The following ZFAND3 variants were observed in gnomAD, a reference collection of about 807,000 sequenced individuals.
ZFAND3 encodes AN1-type zinc finger protein 3.
Under a neutral mutation model 29.6 loss-of-function variants are expected in ZFAND3, and 10 were observed. That is an observed-to-expected ratio of 0.34 (90% CI 0.21 to 0.57). The LOEUF is 0.57. ZFAND3 is among the 20% of genes least tolerant of loss of function. The pLI is 0.86. For missense variants in ZFAND3, 230 were observed against 304.5 expected, an observed-to-expected ratio of 0.76 and a Z score of 1.82; for synonymous variants, 128 against 112.6, an observed-to-expected ratio of 1.14 and a Z score of -0.87.
intron 2 of ZFAND3, among the ~76,000 whole-genome samples, chr6:37,954,424 C>G (rs1762050618): frequency 6.6e-6 from 1 of 152,136 alleles, no homozygotes; most frequent in Non-Finnish European, 1.5e-5. Context: ...TTCATGTTCA[C>G]TAATCATCTG....
chr6:38,068,633 C>G (rs1419846622), intron 3 of ZFAND3, among the ~76,000 whole-genome samples: 1 of 152,132 alleles, frequency 6.6e-6, no homozygotes, highest in Non-Finnish European at 1.5e-5. Flanking sequence ...AACTCTGGGC[C>G]TTTTGCATCT....
At position 37,922,268 on chromosome 6, in the gene ZFAND3, T is replaced by G. The variant is rs148789420; in HGVS notation, c.72-7691T>G. Among the ~76,000 whole-genome samples, 958 of 152,112 alleles carry G rather than the reference T, an allele frequency of 6.3e-3. 9 individuals are homozygous for G. Among genetic ancestry groups the G allele is most frequent in the Non-Finnish European group, 0.01 (704 of 67,996 alleles). On this transcript the variant is annotated intron_variant, in intron 1 of 5. Transcript: ENST00000287218. ...ATGATTAAAGATTTAAGTCCAAAAA[T>G]GCTCATTATAGCAATATTTATAATA...
intron 1 of ZFAND3, among the ~76,000 whole-genome samples, chr6:37,879,339 G>GT (rs375096327): frequency 0.082 from 12,101 of 147,684 alleles, 561 homozygotes; most frequent in Non-Finnish European, 0.1. Flanking sequence ...TTTTTGTTTT[G>GT]TTTTTTTTTT....
intron 5 of ZFAND3, among the ~76,000 whole-genome samples, chr6:38,120,320 C>CT (rs70981523): frequency 0.24 from 14,194 of 60,350 alleles, 4,643 homozygotes; most frequent in Non-Finnish European, 0.34. Context: ...GCTTGGCTTC[C>CT]TTTTTTTTTT....
intron 1 of ZFAND3, among the ~76,000 whole-genome samples, chr6:37,898,149 T>C (rs779979962): frequency 5.3e-5 from 8 of 152,250 alleles, no homozygotes; most frequent in Non-Finnish European, 7.3e-5. Context: ...TTCATTCTTC[T>C]AGTTTTATTG....
At chr6:37,916,239 T>G (rs1276516892) in intron 1 of ZFAND3, among the ~76,000 whole-genome samples, 1 of 152,176 alleles carries the variant, frequency 6.6e-6, no homozygotes, top group Non-Finnish European at 1.5e-5. Context: ...CTTATCAAAA[T>G]GTGAAACAGA....
intron 2 of ZFAND3, among the ~76,000 whole-genome samples, chr6:37,952,743 C>T (rs1762019688): frequency 6.6e-6 from 1 of 152,026 alleles, no homozygotes; most frequent in African/African-American, 2.4e-5. Flanking sequence ...ACCCCTTCCC[C>T]AGGAACGACT....
intron 2 of ZFAND3, among the ~76,000 whole-genome samples, chr6:38,027,091 C>G (rs1446177568): frequency 6.6e-6 from 1 of 152,208 alleles, no homozygotes; most frequent in Admixed American, 6.5e-5. Flanking sequence ...TCTAAGGACA[C>G]AGGTTCTAGT....
chr6:38,142,439 C>T (rs931802823), intron 5 of ZFAND3: 3 of 450,136 alleles, frequency 6.7e-6, no homozygotes, highest in Non-Finnish European at 4.6e-6. Context: ...CTGAGTTACC[C>T]CCATGGGCCC....
chr6:38,081,521 A>G (rs1258092389), intron 3 of ZFAND3, among the ~76,000 whole-genome samples: 12 of 152,142 alleles, frequency 7.9e-5, no homozygotes, highest in Non-Finnish European at 1.5e-4. Context: ...CCAAGTAACC[A>G]TCTTTTACTT....
At chr6:38,008,754 G>A (rs1430938499) in intron 2 of ZFAND3, among the ~76,000 whole-genome samples, 2 of 151,642 alleles carry the variant, frequency 1.3e-5, no homozygotes, top group African/African-American at 2.4e-5. Flanking sequence ...TGTTAGCCAG[G>A]TTAAGTTTAA....
At chr6:38,137,711 GCAC>G (rs1562013166) in intron 5 of ZFAND3, among the ~76,000 whole-genome samples, 1 of 152,188 alleles carries the variant, frequency 6.6e-6, no homozygotes, top group East Asian at 1.9e-4. Context: ...GGGGAGGCCA[GCAC>G]CTGGGAGGAC....
intron 1 of ZFAND3, among the ~76,000 whole-genome samples, chr6:37,844,181 C>T (rs1764133670): frequency 6.6e-6 from 1 of 152,122 alleles, no homozygotes; most frequent in South Asian, 2.1e-4. Flanking sequence ...GCCTCGACCT[C>T]CTAAAGTGTT....
rs1293232200 is a variant in ZFAND3 at position 38,148,022 on chromosome 6, A to G, written c.530-4213A>G. Among the ~76,000 whole-genome samples, 5 of 152,258 alleles carry G rather than the reference A, an allele frequency of 3.3e-5. No homozygotes were observed. The East Asian group carries it at 9.6e-4, about 29-fold the overall frequency. On this transcript the variant is annotated intron_variant, in intron 5 of 5. Coordinates refer to ENST00000287218, the MANE Select transcript of ZFAND3 (RefSeq NM_021943.3). ...TGTGCTTTTGAGGTCTTAGTCATAA[A>G]TTCTTTGCCTAGATCAATGTCCATA...
chr6:38,053,521 T>C (rs1363930722), intron 2 of ZFAND3, among the ~76,000 whole-genome samples: 1 of 151,944 alleles, frequency 6.6e-6, no homozygotes, highest in African/African-American at 2.4e-5. Context: ...CTGTCTCTAC[T>C]AAAAATACAA....
intron 2 of ZFAND3, among the ~76,000 whole-genome samples, chr6:38,017,394 A>G (rs1321923113): frequency 2.0e-5 from 3 of 152,200 alleles, no homozygotes; most frequent in Admixed American, 6.5e-5. Flanking sequence ...GATGACTTCA[A>G]CTGGTATTTG....
At chr6:38,041,500 G>GT (rs1377785972) in intron 2 of ZFAND3, among the ~76,000 whole-genome samples, 1 of 151,056 alleles carries the variant, frequency 6.6e-6, no homozygotes, top group Admixed American at 6.6e-5. Context: ...ATTTTATTTA[G>GT]TAAGCTATCC....
At chr6:38,109,842 G>A (rs768583543) in intron 4 of ZFAND3, among the ~76,000 whole-genome samples, 3 of 151,964 alleles carry the variant, frequency 2.0e-5, no homozygotes, top group Non-Finnish European at 2.9e-5. Context: ...GTTGCTATCC[G>A]GAGGACCAAA....
At chr6:37,950,487 C>T (rs181194537) in intron 2 of ZFAND3, among the ~76,000 whole-genome samples, 43 of 152,002 alleles carry the variant, frequency 2.8e-4, no homozygotes, top group Admixed American at 2.1e-3. Context: ...AAGAGATTCT[C>T]CTGCCTCAGC....
Sources: allele counts gnomAD v4.1 joint callset (sites outside exome capture counted in the v4.1 genomes callset), GRCh38; gene constraint gnomAD v4.1.1; transcripts MANE v1.5; gene names NCBI Gene and HGNC (gene_info 2026-07-23, HGNC 2026-07-21).